Variants in TULP4 observed in about 807,000 individuals in gnomAD.
TULP4 encodes the protein tubby-related protein 4.
In TULP4, 16 loss-of-function variants were observed where a neutral mutation model predicts 129.0. The ratio of observed to expected loss-of-function variants is 0.12; its 90% CI spans 0.08 to 0.19. The LOEUF (loss-of-function observed/expected upper bound fraction) is 0.19. Ranked by LOEUF, TULP4 falls within the 10% of genes least tolerant of loss-of-function variation. The pLI is 1.00. For missense variants in TULP4, 1,842 were observed against 2,059.1 expected, an observed-to-expected ratio of 0.89 and a Z score of 2.04; for synonymous variants, 998 against 854.0, an observed-to-expected ratio of 1.17 and a Z score of -2.94.
intron 1 of TULP4, among the ~76,000 whole-genome samples, chr6:158,245,113 G>C (rs1019758072): frequency 1.1e-4 from 17 of 151,506 alleles, no homozygotes; most frequent in African/African-American, 4.1e-4. Context: ...TTAGCCTTCT[G>C]AGTAGCTGGG....
upstream of TULP4, chr6:158,232,197 A>C: frequency 6.8e-6 from 1 of 146,794 alleles, no homozygotes; most frequent in East Asian, 2.0e-4. Context: ...AGGGAGGCGG[A>C]GACTCGGCCG....
chr6:158,270,137 A>T (rs262831), intron 1 of TULP4, among the ~76,000 whole-genome samples: 72,773 of 152,078 alleles, frequency 0.48, 17,591 homozygotes, highest in East Asian at 0.54. Context: ...GATCTTCTAT[A>T]TATCTTTAAT....
chr6:158,328,856 T>C (rs1304096626), intron 1 of TULP4, among the ~76,000 whole-genome samples: 2 of 152,258 alleles, frequency 1.3e-5, no homozygotes, highest in Middle Eastern at 3.4e-3. Flanking sequence ...GAGCTACCTA[T>C]TGGGCCTTCA....
chr6:158,436,939 A>G (rs1001271013), intron 3 of TULP4, among the ~76,000 whole-genome samples: 3 of 152,220 alleles, frequency 2.0e-5, no homozygotes, highest in African/African-American at 7.2e-5. Context: ...GTAGGTCCCA[A>G]GTCCCTTCTC....
intron 8 of TULP4, among the ~76,000 whole-genome samples, chr6:158,487,247 A>C (rs1780094022): frequency 6.6e-6 from 1 of 152,138 alleles, no homozygotes; most frequent in Non-Finnish European, 1.5e-5. Flanking sequence ...TGACAGAGCA[A>C]GACTCCATCT....
intron 1 of TULP4, among the ~76,000 whole-genome samples, chr6:158,330,668 A>T (rs1273154793): frequency 6.6e-6 from 1 of 152,154 alleles, no homozygotes; most frequent in Non-Finnish European, 1.5e-5. Context: ...CAATACTTAA[A>T]TTATTCTCCA....
Position 158,493,604 on chromosome 6 carries a change from C to A in TULP4, c.1663C>A (p.Leu555Met). The A allele has an allele frequency of 4.5e-6, 7 of 1,562,026 alleles. No individual in the cohort carries two copies. The highest frequency in any genetic ancestry group is 5.2e-6 in the Non-Finnish European group (6 of 1,154,470). ...ISIEARKSPKLPRAAQELSRS... is the reference protein window; with the variant it reads ...ISIEARKSPKMPRAAQELSRS... ...CATTGAGGCCCGCAAGTCACCCAAG[C>A]TGCCCCGGGCTGCTCAGGAGCTCTC... The change falls in exon 10 of 14, where the codon CTG becomes ATG. Residue 555 changes from leucine to methionine, a missense_variant. Transcript: ENST00000367097. This position sits in a 1 kb window ranked among gnomAD's most constrained non-coding sequence, Gnocchi z 4.4.
chr6:158,278,637 A>G (rs1401065636), upstream of TULP4, among the ~76,000 whole-genome samples: 6 of 152,220 alleles, frequency 3.9e-5, no homozygotes. Flanking sequence ...AGTTGCTCTG[A>G]TAATAGTGGG....
chr6:158,272,000 ATTTC>A (rs1778560966), intron 1 of TULP4, among the ~76,000 whole-genome samples: 1 of 152,184 alleles, frequency 6.6e-6, no homozygotes, highest in Admixed American at 6.5e-5. Context: ...AGAACGTTTA[ATTTC>A]TAAATTAGAA....
In TULP4 at chr6:158,501,074, TA is replaced by T. The variant is rs1026473780; in HGVS notation, c.2015-591del. On this transcript the variant is annotated intron_variant, in intron 12 of 13. Transcript: ENST00000367097. Reference sequence around the variant, plus strand: ...TGGGCAACAGAGCAAGACTCTGTCTTAAAAAAAAAAAAATTAGGAAATGATC... The same window carrying T: ...TGGGCAACAGAGCAAGACTCTGTCTTAAAAAAAAAAAATTAGGAAATGATC... Among the ~76,000 whole-genome samples the T allele has an allele frequency of 9.8e-4, 143 of 145,746 alleles. No individual in the cohort carries two copies. The Middle Eastern group carries it at 0.011, about 11-fold the overall frequency.
In TULP4 at chr6:158,494,609, A is replaced by C. The variant is rs1780286630; in HGVS notation, c.1777-144A>C. 4 of 721,720 alleles carry C rather than the reference A, an allele frequency of 5.5e-6. No individual in the cohort carries two copies. In the Admixed American group the frequency reaches 9.2e-5, roughly 17 times the overall value. 44.7% of individuals were successfully genotyped at this position (721,720 alleles called of 1,614,324 possible). On this transcript the variant is annotated intron_variant, in intron 10 of 13. Transcript: ENST00000367097. ...GCCCTCGTTAGCTTCTGATCTTGCA[A>C]ATGGTAGATGAGGTAGGGAATGGGT...
chr6:158,422,554 T>A (rs1012251466), intron 2 of TULP4, among the ~76,000 whole-genome samples: 1 of 152,006 alleles, frequency 6.6e-6, no homozygotes, highest in Admixed American at 6.6e-5. Context: ...CGGACACATG[T>A]GGAGCGGTTT....
chr6:158,466,145 T>C (rs1779550329), intron 6 of TULP4, among the ~76,000 whole-genome samples: 1 of 152,198 alleles, frequency 6.6e-6, no homozygotes. Flanking sequence ...TGGACCTAAA[T>C]TCCAGATGGG....
intron 6 of TULP4, among the ~76,000 whole-genome samples, chr6:158,471,482 C>G (rs74363116): frequency 0.018 from 2,754 of 152,218 alleles, 51 homozygotes; most frequent in Non-Finnish European, 0.021. Context: ...ACTTCATGAC[C>G]TGAGGCTAGG....
intron 1 of TULP4, among the ~76,000 whole-genome samples, chr6:158,321,902 C>A (rs2128487278): frequency 6.6e-6 from 1 of 152,146 alleles, no homozygotes; most frequent in South Asian, 2.1e-4. Context: ...CATCTTAATT[C>A]CAAAAAGGAT....
At chr6:158,393,521 T>G (rs193199311) in intron 1 of TULP4, among the ~76,000 whole-genome samples, 28 of 152,346 alleles carry the variant, frequency 1.8e-4, no homozygotes, top group Middle Eastern at 3.4e-3. Context: ...GGCATTTCCA[T>G]ACATCCTCTG....
At chr6:158,385,842 C>CT (rs778595442) in intron 1 of TULP4, among the ~76,000 whole-genome samples, 3,032 of 59,548 alleles carry the variant, frequency 0.051, 529 homozygotes, top group African/African-American at 0.15. Context: ...TGTGGAATAT[C>CT]TTTTTTTTTT....
intron 1 of TULP4, among the ~76,000 whole-genome samples, chr6:158,263,617 G>A (rs769895382): frequency 3.9e-5 from 6 of 152,272 alleles, no homozygotes; most frequent in Middle Eastern, 3.4e-3. Context: ...TTAGCTGGGC[G>A]TGATGGGATG....
At chr6:158,448,962 C>T (rs369698158) in intron 3 of TULP4, 34 bp from the exon 4 acceptor site, 116 of 1,567,344 alleles carry the variant, frequency 7.4e-5, no homozygotes, top group Non-Finnish European at 9.8e-5. Flanking sequence ...GCCCTTGCTG[C>T]CACTTGGTCA....
Sources: gnomAD v4.1 joint callset for allele counts (sites outside exome capture counted in the v4.1 genomes callset) on GRCh38, gnomAD v4.1.1 for gene constraint, Gnocchi (gnomAD v3.1) non-coding constraint, MANE v1.5 for transcripts, NCBI Gene and HGNC (gene_info 2026-07-23, HGNC 2026-07-21) for gene names.